The following COG5 variants were observed in gnomAD, a reference collection of about 807,000 sequenced individuals.
COG5 encodes component of oligomeric golgi complex 5, also known as conserved oligomeric Golgi complex subunit 5.
Under a neutral mutation model 110.4 loss-of-function variants are expected in COG5, and 86 were observed. That is an observed-to-expected ratio of 0.78 (90% confidence interval 0.65 to 0.93). The LOEUF is 0.93. COG5 is among the 40% of genes least tolerant of loss of function. COG5 has a pLI of 0.00. For missense variants in COG5, 1,077 were observed against 987.0 expected, an observed-to-expected ratio of 1.09 and a Z score of -1.22; for synonymous variants, 360 against 334.6, an observed-to-expected ratio of 1.08 and a Z score of -0.83.
At chr7:107,401,192 T>C (rs370081798) in intron 7 of COG5, among the ~76,000 whole-genome samples, 1 of 152,102 alleles carries the variant, frequency 6.6e-6, no homozygotes, top group South Asian at 2.1e-4. Context: ...TTGGGTGTTA[T>C]GTAAGAGTTC....
chr7:107,223,885 G>T (rs374936100), intron 19 of COG5, among the ~76,000 whole-genome samples: 4 of 152,182 alleles, frequency 2.6e-5, no homozygotes, highest in African/African-American at 9.7e-5. Context: ...AAATGAGGAA[G>T]TATCAGTAAA....
intron 6 of COG5, among the ~76,000 whole-genome samples, chr7:107,461,407 AAAG>A (rs1795983127): frequency 6.6e-6 from 1 of 152,162 alleles, no homozygotes; most frequent in Non-Finnish European, 1.5e-5. Flanking sequence ...AATTCTCAAC[AAAG>A]AAGGAAACTT....
intron 6 of COG5, among the ~76,000 whole-genome samples, chr7:107,465,556 T>C (rs1307027416): frequency 6.6e-6 from 1 of 152,024 alleles, no homozygotes; most frequent in Non-Finnish European, 1.5e-5. Context: ...GCAATACCAA[T>C]CAAAATAACA....
intron 21 of COG5, among the ~76,000 whole-genome samples, chr7:107,207,337 G>T (rs1339502574): frequency 6.6e-6 from 1 of 152,166 alleles, no homozygotes; most frequent in Non-Finnish European, 1.5e-5. Flanking sequence ...GAAGTACAGA[G>T]GAGCTGAGGG....
chr7:107,450,265 T>C (rs986952737), intron 6 of COG5: 1 of 156,700 alleles, frequency 6.4e-6, no homozygotes, highest in South Asian at 2.0e-4. Context: ...GGTTCCTACA[T>C]GAAAACAGTA....
chr7:107,244,474 C>G lies in COG5; in HGVS notation c.1853+3922G>C, dbSNP rs1041333679. Among the ~76,000 whole-genome samples the G allele has an allele frequency of 4.6e-5, 7 of 152,072 alleles. No individual in the cohort carries two copies. In the South Asian group the frequency reaches 1.5e-3, roughly 32 times the overall value. On this transcript the variant is annotated intron_variant, in intron 17 of 21. Coordinates refer to ENST00000297135, the MANE Select transcript of COG5 (RefSeq NM_006348.5). ...GCAGAAGATGAGATGTAACAGAAAT[C>G]AGAGCTGAACTGAGGAAAACAGAGA...
At chr7:107,360,794 C>T (rs1229522473) in intron 10 of COG5, among the ~76,000 whole-genome samples, 1 of 152,248 alleles carries the variant, frequency 6.6e-6, no homozygotes, top group Admixed American at 6.5e-5. Context: ...TCACATACCA[C>T]TCACTGCTCT....
intron 7 of COG5, among the ~76,000 whole-genome samples, chr7:107,389,410 C>T (rs1285766649): frequency 6.6e-6 from 1 of 152,190 alleles, no homozygotes; most frequent in South Asian, 2.1e-4. Flanking sequence ...AAGGTTTTAA[C>T]CCTTACTGTG....
intron 6 of COG5, among the ~76,000 whole-genome samples, chr7:107,459,366 T>G (rs1016183672): frequency 6.6e-6 from 1 of 152,052 alleles, no homozygotes; most frequent in African/African-American, 2.4e-5. Flanking sequence ...ATCCTAAATG[T>G]GCATGCACCC....
chr7:107,408,703 C>A (rs1327374047), intron 7 of COG5, among the ~76,000 whole-genome samples: 1 of 152,160 alleles, frequency 6.6e-6, no homozygotes, highest in Non-Finnish European at 1.5e-5. Context: ...TAGTCCCTAG[C>A]ATTATGAGTG....
intron 5 of COG5, among the ~76,000 whole-genome samples, chr7:107,546,862 TAC>T (rs1387555834): frequency 6.6e-6 from 1 of 152,016 alleles, no homozygotes. Context: ...CAATAGTGAG[TAC>T]AGAGATTAAA....
chr7:107,475,213 C>T (rs1417817242), intron 6 of COG5: 1 of 1,611,114 alleles, frequency 6.2e-7, no homozygotes, highest in Non-Finnish European at 8.5e-7. Context: ...AATGAAAAAG[C>T]GAGTTGTTTC....
chr7:107,509,987 T>C (rs1799373190), intron 6 of COG5, among the ~76,000 whole-genome samples: 1 of 152,078 alleles, frequency 6.6e-6, no homozygotes, highest in Non-Finnish European at 1.5e-5. Flanking sequence ...AGAAACTGCA[T>C]CAACTAACGA....
At chr7:107,245,653 C>T (rs1464918805) in intron 17 of COG5, among the ~76,000 whole-genome samples, 2 of 152,034 alleles carry the variant, frequency 1.3e-5, no homozygotes, top group Non-Finnish European at 2.9e-5. Context: ...ATACAGGTAA[C>T]CAGGGAGGTA....
chr7:107,257,737 C>G (rs1439753691), intron 15 of COG5, among the ~76,000 whole-genome samples: 3 of 152,036 alleles, frequency 2.0e-5, no homozygotes, highest in African/African-American at 7.2e-5. Context: ...AAACAAGGTT[C>G]AGCCATTTCT....
At chr7:107,345,694 T>C (rs953224324) in intron 10 of COG5, among the ~76,000 whole-genome samples, 1 of 152,132 alleles carries the variant, frequency 6.6e-6, no homozygotes, top group African/African-American at 2.4e-5. Context: ...ACTGTACACT[T>C]AGACTTAAGT....
chr7:107,360,639 T>C lies in COG5; in HGVS notation c.1026+1394A>G, dbSNP rs570654126. 2.0e-3 allele frequency among the ~76,000 whole-genome samples: 304 copies of C among 152,288 alleles called. 2 individuals are homozygous for C. Among genetic ancestry groups the C allele is most frequent in the African/African-American group, 6.9e-3 (287 of 41,562 alleles). ...GCTACATTCCCCTCATCTAGATGCC[T>C]GCAGCATAAGCTGTGTGTAGTACAT... On this transcript the variant is annotated intron_variant, in intron 10 of 21. Coordinates refer to ENST00000297135, the MANE Select transcript of COG5 (RefSeq NM_006348.5).
At chr7:107,208,881 A>T (rs1798958422) in intron 21 of COG5, 10 of 985,478 alleles carry the variant, frequency 1.0e-5, no homozygotes, top group Non-Finnish European at 9.6e-6. Flanking sequence ...CTTCCTCAGC[A>T]GTCTTTCATC....
chr7:107,461,963 CAGAT>C (rs1052871343), intron 6 of COG5, among the ~76,000 whole-genome samples: 42 of 152,252 alleles, frequency 2.8e-4, no homozygotes, highest in African/African-American at 8.9e-4. Flanking sequence ...TGTTCCCTAA[CAGAT>C]AGACAGGTTC....
Sources: gnomAD v4.1 joint callset for allele counts (sites outside exome capture counted in the v4.1 genomes callset) on GRCh38, gnomAD v4.1.1 for gene constraint, MANE v1.5 for transcripts, NCBI Gene and HGNC (gene_info 2026-07-23, HGNC 2026-07-21) for gene names.